The following GIMAP8 variants were observed in gnomAD, a reference collection of about 807,000 sequenced individuals.
The protein encoded by GIMAP8 is GTPase, IMAP family member 8, also known as GTPase IMAP family member 8.
Under a neutral mutation model 35.6 loss-of-function variants are expected in GIMAP8, and 29 were observed. That is an observed-to-expected ratio of 0.81 (90% CI 0.61 to 1.11). GIMAP8 has a LOEUF of 1.11. GIMAP8 is among the 50% of genes most tolerant of loss of function. GIMAP8 has a pLI of 0.00. For missense variants in GIMAP8, 811 were observed against 805.0 expected (o/e 1.01, Z -0.09); for synonymous variants, 335 against 308.7 (o/e 1.09, Z -0.89).
chr7:150,452,685 T>TATATATATATAG (rs1563278576), intron 1 of GIMAP8, among the ~76,000 whole-genome samples: 2 of 99,416 alleles, frequency 2.0e-5, no homozygotes, highest in African/African-American at 7.4e-5. Context: ...GATATATATA[T>TATATATATATAG]ATATATATAT....
At chr7:150,470,768 T>TTTTTG in intron 2 of GIMAP8, 61 bp from the exon 3 acceptor site, 1 of 521,946 alleles carries the variant, frequency 1.9e-6, no homozygotes, top group Non-Finnish European at 3.4e-6. Flanking sequence ...TTTTTTTTTT[T>TTTTTG]CAGTTTGTGG....
chr7:150,453,281 C>T (rs1461441409), intron 1 of GIMAP8, among the ~76,000 whole-genome samples: 1 of 152,134 alleles, frequency 6.6e-6, no homozygotes, highest in African/African-American at 2.4e-5. Flanking sequence ...AGGTTTGAAC[C>T]CACCGGAAAT....
rs188121681 is a variant in GIMAP8 at position 150,451,682 on chromosome 7, C to A, written c.-29+507C>A. Among the ~76,000 whole-genome samples the A allele has an allele frequency of 6.6e-6, 1 of 152,160 alleles. No individual in the cohort carries two copies. The highest frequency in any genetic ancestry group is 2.4e-5 in the African/African-American group (1 of 41,422). Reference sequence around the variant, plus strand: ...AGAGCAGCCCCCAGGAGGAAGCCAGCGGAGCTCCTCCCGCAAAGCAGGGGG... The same window carrying A: ...AGAGCAGCCCCCAGGAGGAAGCCAGAGGAGCTCCTCCCGCAAAGCAGGGGG... On this transcript the variant is annotated intron_variant, in intron 1 of 4. Coordinates refer to ENST00000307271, the MANE Select transcript of GIMAP8 (RefSeq NM_175571.4). This position sits in a 1 kb window ranked among gnomAD's most constrained non-coding sequence, Gnocchi z 4.1.
chr7:150,477,727 G>C lies in GIMAP8; in HGVS notation c.1945G>C (p.Glu649Gln). ...CAGCAAACTAATTAAAAATGTCCAG[G>C]AAATGTCCCAAGCCGAAAAACTCCT... Reference protein sequence around the residue: ...NVSKLIKNVQEMSQAEKLLKN... With the variant: ...NVSKLIKNVQQMSQAEKLLKN... Residue 649 changes from glutamate (E) to glutamine (Q), a missense_variant, in exon 5 of 5, where the codon GAA becomes CAA. Coordinates refer to ENST00000307271, the MANE Select transcript of GIMAP8 (RefSeq NM_175571.4). 2 of 1,613,892 alleles carry C rather than the reference G, an allele frequency of 1.2e-6. No homozygotes were observed. The highest frequency in any genetic ancestry group is 1.7e-6 in the Non-Finnish European group (2 of 1,179,964).
chr7:150,459,019 C>T (rs1801787840), intron 1 of GIMAP8, among the ~76,000 whole-genome samples: 1 of 152,182 alleles, frequency 6.6e-6, no homozygotes, highest in Non-Finnish European at 1.5e-5. Context: ...TTACCATCAT[C>T]AGTGAGCTCA....
intron 2 of GIMAP8, among the ~76,000 whole-genome samples, chr7:150,468,032 CTT>C (rs1335237087): frequency 6.6e-6 from 1 of 152,216 alleles, no homozygotes; most frequent in Non-Finnish European, 1.5e-5. Flanking sequence ...TCACCATGCT[CTT>C]TGTACCCACA....
intron 1 of GIMAP8, among the ~76,000 whole-genome samples, chr7:150,454,522 G>A (rs1801687359): frequency 1.3e-5 from 2 of 152,174 alleles, no homozygotes; most frequent in Non-Finnish European, 1.5e-5. Context: ...GCAGACAGGA[G>A]GATGGGGTGC....
At chr7:150,475,640 GT>G (rs199558249) in intron 4 of GIMAP8, among the ~76,000 whole-genome samples, 1 of 150,264 alleles carries the variant, frequency 6.7e-6, no homozygotes, top group Non-Finnish European at 1.5e-5. Flanking sequence ...TACTCATCCC[GT>G]TTTTTTTTCT....
intron 4 of GIMAP8, among the ~76,000 whole-genome samples, chr7:150,476,351 G>A (rs1227753086): frequency 1.3e-5 from 2 of 152,200 alleles, no homozygotes; most frequent in Non-Finnish European, 2.9e-5. Flanking sequence ...TCCAAAGAAC[G>A]CATATTGTAA....
At chr7:150,470,770 A>ATTTTTTTTTTTTTTTTT (rs1357852628) in intron 2 of GIMAP8, 59 bp from the exon 3 acceptor site, 1 of 224,042 alleles carries the variant, frequency 4.5e-6, no homozygotes. Flanking sequence ...TTTTTTTTTC[A>ATTTTTTTTTTTTTTTTT]GTTTGTGGAA....
chr7:150,474,461 T>A lies in GIMAP8; in HGVS notation c.1132T>A (p.Leu378Ile), dbSNP rs1802174900. 6.2e-7 allele frequency: 1 copy of A among 1,613,734 alleles called. No individual in the cohort carries two copies. Among genetic ancestry groups the A allele is most frequent in the Non-Finnish European group, 8.5e-7 (1 of 1,179,850 alleles). Residue 378 changes from leucine (L) to isoleucine (I), a missense_variant, in exon 4 of 5, where the codon TTA becomes ATA. Coordinates refer to ENST00000307271, the MANE Select transcript of GIMAP8 (RefSeq NM_175571.4). Reference protein sequence around the residue: ...DLGDQDLDTFLRNSNKALYGL... With the variant: ...DLGDQDLDTFIRNSNKALYGL... ...AGGGGATCAGGATCTAGATACGTTC[T>A]TAAGAAACAGCAATAAAGCTCTCTA...
chr7:150,471,801 T>A (rs1186203608), intron 3 of GIMAP8, among the ~76,000 whole-genome samples: 1 of 151,164 alleles, frequency 6.6e-6, no homozygotes, highest in African/African-American at 2.4e-5. Flanking sequence ...CATGCCACTT[T>A]ACCCCAGTCT....
intron 4 of GIMAP8, among the ~76,000 whole-genome samples, chr7:150,475,898 G>C (rs184701644): frequency 2.0e-5 from 3 of 152,220 alleles, no homozygotes; most frequent in Non-Finnish European, 4.4e-5. Context: ...CTTGTTAGGG[G>C]ACAAAAAAGA....
rs79221374 is a variant in GIMAP8, at chr7:150,452,884, G to A, written c.-29+1709G>A. 8.0e-5 allele frequency among the ~76,000 whole-genome samples: 12 copies of A among 150,680 alleles called. No individual in the cohort carries two copies. In the East Asian group the frequency reaches 1.2e-3, roughly 15 times the overall value. On this transcript the variant is annotated intron_variant, in intron 1 of 4. Transcript: ENST00000307271. The stretch of plus-strand genomic sequence containing the variant: ...GTTACAGGCGTGAGCCACTGCGCCC[G>A]GCCTCCCTCTCAGTTCTAAAAACCG...
At position 150,477,547 on chromosome 7, in the gene GIMAP8, C is replaced by T. The variant is rs139453539; in HGVS notation, c.1765C>T (p.Arg589Cys). The T allele has an allele frequency of 8.7e-5, 140 of 1,613,974 alleles. No homozygotes were observed. The highest frequency in any genetic ancestry group is 6.7e-4 in the East Asian group (30 of 44,898). The change falls in exon 5 of 5, where the codon CGC becomes TGC. Residue 589 changes from arginine (R) to cysteine (C), a missense_variant. Transcript: ENST00000307271. The stretch of plus-strand genomic sequence containing the variant: ...GAACTCAGATAACAAAGCCCTTCGG[C>T]GCATTTTTAAAAAGTGTGGGCGGCG... ...MKNSDNKALR[R>C]IFKKCGRRVC...
Position 150,467,156 on chromosome 7 carries a change from C to T in GIMAP8, c.458C>T (p.Pro153Leu), listed in dbSNP as rs779998996. The change falls in exon 2 of 5, where the codon CCT becomes CTT. Residue 153 changes from proline (P) to leucine (L), a missense_variant. Coordinates refer to ENST00000307271, the MANE Select transcript of GIMAP8 (RefSeq NM_175571.4). ...CAAGATTTCATTGAAAAAAACAAAC[C>T]TCTCAAGCAGTTGGTTCAAGACTAT... ...LLQDFIEKNK[P>L]LKQLVQDYEG... 5 of 1,614,206 alleles carry T rather than the reference C, an allele frequency of 3.1e-6. No homozygotes were observed. Among genetic ancestry groups the T allele is most frequent in the Non-Finnish European group, 4.2e-6 (5 of 1,180,032 alleles).
intron 4 of GIMAP8, among the ~76,000 whole-genome samples, chr7:150,475,316 T>C (rs1253720881): frequency 3.3e-5 from 5 of 152,138 alleles, no homozygotes; most frequent in African/African-American, 4.8e-5. Context: ...GGAAGAAAAA[T>C]AAAGGAAGGA....
chr7:150,455,641 G>A (rs966724105), intron 1 of GIMAP8, among the ~76,000 whole-genome samples: 1 of 152,138 alleles, frequency 6.6e-6, no homozygotes, highest in Admixed American at 6.5e-5. Context: ...TTTAACTAAA[G>A]GTGGCTTAAA....
chr7:150,460,080 G>C (rs1295079902), intron 1 of GIMAP8, among the ~76,000 whole-genome samples: 1 of 152,158 alleles, frequency 6.6e-6, no homozygotes, highest in Non-Finnish European at 1.5e-5. Context: ...GCCATAGCCA[G>C]ATTGGCCTTA....
Sources: gnomAD v4.1 joint callset for allele counts (sites outside exome capture counted in the v4.1 genomes callset) on GRCh38, gnomAD v4.1.1 for gene constraint, Gnocchi (gnomAD v3.1) non-coding constraint, MANE v1.5 for transcripts, NCBI Gene and HGNC (gene_info 2026-07-23, HGNC 2026-07-21) for gene names.